Variants in LINGO2 observed in about 807,000 individuals in gnomAD.
The protein encoded by LINGO2 is leucine rich repeat and Ig domain containing 2.
Under a neutral mutation model 30.6 loss-of-function variants are expected in LINGO2, and 14 were observed. The ratio of observed to expected loss-of-function variants is 0.46; its 90% CI spans 0.30 to 0.72. The LOEUF is 0.72. Ranked by LOEUF, LINGO2 falls within the 30% of genes least tolerant of loss-of-function variation. LINGO2 has a pLI of 0.07. For synonymous variants in LINGO2, 317 were observed against 288.5 expected (o/e 1.10, Z -1.00); for missense variants, 729 against 751.7 (o/e 0.97, Z 0.35).
At position 28,460,608 on chromosome 9, in the gene LINGO2, T is replaced by C. The variant is rs147875246; in HGVS notation, c.-279+15332A>G. Reference sequence around the variant, plus strand: ...CATAGTAATGGAGAAATGGGGGAAATTGAAAATCTTCCTGGTGTGTAATCA... The same window carrying C: ...CATAGTAATGGAGAAATGGGGGAAACTGAAAATCTTCCTGGTGTGTAATCA... On this transcript the variant is annotated intron_variant, in intron 2 of 5. Coordinates refer to ENST00000379992, the Ensembl canonical transcript of LINGO2. Among the ~76,000 whole-genome samples the C allele has an allele frequency of 5.0e-4, 76 of 152,254 alleles. 2 individuals carry two copies. In the East Asian group the frequency reaches 0.013, roughly 26 times the overall value.
At chr9:28,995,691 T>TA in the LINGO2 span, among the ~76,000 whole-genome samples, 3 of 152,082 alleles carry the variant, frequency 2.0e-5, no homozygotes, top group Non-Finnish European at 4.4e-5. Context: ...TATGCAGCCA[T>TA]AAAAAATGAT....
At chr9:28,904,170 T>TAAA in the LINGO2 span, among the ~76,000 whole-genome samples, 2,534 of 149,418 alleles carry the variant, frequency 0.017, 38 homozygotes, top group African/African-American at 0.032. Context: ...CCTTTTATGA[T>TAAA]AAAAAAAAAA....
chr9:28,430,093 T>C (rs892411619), intron 2 of LINGO2, among the ~76,000 whole-genome samples: 5 of 58,196 alleles, frequency 8.6e-5, no homozygotes, highest in African/African-American at 2.2e-4. Context: ...GAGGCTGATT[T>C]CCACGCGCGC....
chr9:29,137,037 G>A, the LINGO2 span, among the ~76,000 whole-genome samples: 3 of 151,992 alleles, frequency 2.0e-5, no homozygotes, highest in African/African-American at 7.2e-5. Context: ...CACATACTAA[G>A]CCCAGCCCCC....
chr9:28,557,823 A>T (rs1253424903), intron 1 of LINGO2, among the ~76,000 whole-genome samples: 2 of 151,924 alleles, frequency 1.3e-5, no homozygotes, highest in African/African-American at 4.8e-5. Flanking sequence ...GCCATAAAAA[A>T]TAATGAGTTC....
chr9:28,222,595 A>G (rs1333562197), intron 4 of LINGO2, among the ~76,000 whole-genome samples: 1 of 152,144 alleles, frequency 6.6e-6, no homozygotes, highest in Non-Finnish European at 1.5e-5. Context: ...AATAAAAATT[A>G]GGCATTTGTT....
chr9:29,204,834 T>C, the LINGO2 span, among the ~76,000 whole-genome samples: 17 of 152,286 alleles, frequency 1.1e-4, 1 homozygote, highest in East Asian at 2.9e-3. Context: ...ATTATAAACG[T>C]TGAGTAAAAG....
chr9:28,606,994 G>T (rs1282481241), intron 1 of LINGO2, among the ~76,000 whole-genome samples: 1 of 151,972 alleles, frequency 6.6e-6, no homozygotes, highest in Non-Finnish European at 1.5e-5. Flanking sequence ...TGAATAATTA[G>T]AATACATTTA....
intron 3 of LINGO2, among the ~76,000 whole-genome samples, chr9:28,339,626 T>C (rs1929819): frequency 0.98 from 148,903 of 152,212 alleles, 72,919 homozygotes; most frequent in Middle Eastern, 1. Context: ...AATATTAGGA[T>C]CTATCGACTG....
intron 2 of LINGO2, among the ~76,000 whole-genome samples, chr9:28,464,491 G>A (rs1004539497): frequency 2.0e-5 from 3 of 152,140 alleles, no homozygotes; most frequent in African/African-American, 7.2e-5. Flanking sequence ...TGAAGAATAT[G>A]TTAAATATAC....
At chr9:28,562,383 G>T (rs1210254886) in intron 1 of LINGO2, among the ~76,000 whole-genome samples, 1 of 133,288 alleles carries the variant, frequency 7.5e-6, no homozygotes, top group African/African-American at 2.9e-5. Flanking sequence ...AATCTCTCAT[G>T]TATAAAGTCA....
intron 4 of LINGO2, among the ~76,000 whole-genome samples, chr9:28,139,479 T>A (rs910801934): frequency 2.0e-5 from 3 of 152,244 alleles, no homozygotes; most frequent in African/African-American, 7.2e-5. Flanking sequence ...TTCCTGGATA[T>A]TCACTGGGGC....
At position 27,989,461 on chromosome 9, in the gene LINGO2, G is replaced by C. The variant is rs1033565928; in HGVS notation, c.-36+22894C>G. On this transcript the variant is annotated intron_variant, in intron 5 of 5. Transcript: ENST00000379992. ...GAATGCTCTCTGTGTGTGTGTGTGTGTGTGTGTGTGTGTGTGTATGTGTGC... is the reference window on the plus strand; with the variant it reads ...GAATGCTCTCTGTGTGTGTGTGTGTCTGTGTGTGTGTGTGTGTATGTGTGC... 1.4e-3 allele frequency among the ~76,000 whole-genome samples: 211 copies of C among 151,030 alleles called. 1 individual carries two copies. Among genetic ancestry groups the C allele is most frequent in the Middle Eastern group, 3.4e-3 (1 of 294 alleles).
chr9:28,647,985 T>C (rs1273196428), intron 1 of LINGO2, among the ~76,000 whole-genome samples: 1 of 151,188 alleles, frequency 6.6e-6, no homozygotes, highest in Non-Finnish European at 1.5e-5. Context: ...TGTAGACACA[T>C]GTACCGTAAA....
At chr9:29,195,226 TTCTA>T in the LINGO2 span, among the ~76,000 whole-genome samples, 5 of 152,172 alleles carry the variant, frequency 3.3e-5, no homozygotes, top group African/African-American at 9.7e-5. Context: ...CTGAGTTGTA[TTCTA>T]CGCAGTGGAT....
At chr9:29,009,023 G>A in the LINGO2 span, among the ~76,000 whole-genome samples, 1 of 152,062 alleles carries the variant, frequency 6.6e-6, no homozygotes, top group Admixed American at 6.6e-5. Flanking sequence ...AGGTATTGAT[G>A]GGACATATCT....
intron 4 of LINGO2, among the ~76,000 whole-genome samples, chr9:28,037,068 G>T (rs1480643921): frequency 3.3e-5 from 5 of 152,118 alleles, no homozygotes; most frequent in African/African-American, 9.7e-5. Flanking sequence ...GGCTTATTGT[G>T]GATGAATTCC....
intron 1 of LINGO2, among the ~76,000 whole-genome samples, chr9:28,531,065 A>T (rs1025583031): frequency 3.4e-5 from 5 of 147,130 alleles, no homozygotes; most frequent in South Asian, 2.1e-4. Flanking sequence ...ATATATATAT[A>T]ATATATAAAA....
the LINGO2 span, among the ~76,000 whole-genome samples, chr9:28,901,651 A>C: frequency 3.9e-5 from 6 of 151,910 alleles, no homozygotes; most frequent in East Asian, 1.2e-3. Flanking sequence ...TATTATACCT[A>C]TGAGATGTTT....
Sources: allele counts gnomAD v4.1 joint callset (sites outside exome capture counted in the v4.1 genomes callset), GRCh38; gene constraint gnomAD v4.1.1; transcripts MANE v1.5; gene names NCBI Gene and HGNC (gene_info 2026-07-23, HGNC 2026-07-21).